MTUS2: variants seen among roughly 807,000 people sequenced by gnomAD.
MTUS2 encodes the protein microtubule-associated tumor suppressor candidate 2.
In MTUS2, 40 loss-of-function variants were observed where a neutral mutation model predicts 114.1. The observed-to-expected ratio is 0.35, with a 90% CI of 0.27 to 0.46. The LOEUF is 0.46. MTUS2 is among the 20% of genes least tolerant of loss of function. The pLI is 1.00. For missense variants in MTUS2, 1,679 were observed against 1,705.4 expected (o/e 0.98, Z 0.27); for synonymous variants, 688 against 672.0 (o/e 1.02, Z -0.37).
chr13:29,074,340 T>G (rs773470871), intron 4 of MTUS2, among the ~76,000 whole-genome samples: 5 of 152,176 alleles, frequency 3.3e-5, no homozygotes, highest in Non-Finnish European at 1.5e-5. Flanking sequence ...CGGGTGGTGC[T>G]AGGGATCCCC....
chr13:28,951,820 A>C (rs1882823909), intron 2 of MTUS2, among the ~76,000 whole-genome samples: 1 of 152,088 alleles, frequency 6.6e-6, no homozygotes, highest in Admixed American at 6.5e-5. Flanking sequence ...AAAAATTTAA[A>C]GTCTTGCATT....
intron 8 of MTUS2, among the ~76,000 whole-genome samples, chr13:29,428,143 A>G (rs1358088666): frequency 6.6e-6 from 1 of 152,248 alleles, no homozygotes. Flanking sequence ...AGATTTCATC[A>G]AAGAAGGCAA....
intron 5 of MTUS2, among the ~76,000 whole-genome samples, chr13:29,196,831 C>A (rs1360821604): frequency 2.0e-5 from 3 of 152,314 alleles, no homozygotes; most frequent in Admixed American, 1.3e-4. Flanking sequence ...GTATATACCA[C>A]AATTTGCTTA....
At chr13:29,251,061 A>C (rs1276956430) in intron 5 of MTUS2, among the ~76,000 whole-genome samples, 2 of 152,176 alleles carry the variant, frequency 1.3e-5, no homozygotes, top group African/African-American at 4.8e-5. Flanking sequence ...GAGAGTTCAA[A>C]GTGTAGAAAA....
At chr13:28,958,975 A>C (rs1393427396) in intron 2 of MTUS2, among the ~76,000 whole-genome samples, 5 of 152,196 alleles carry the variant, frequency 3.3e-5, no homozygotes, top group African/African-American at 1.2e-4. Context: ...TAGGCTTCTG[A>C]GAATATAAGT....
chr13:29,150,324 A>G (rs1187810531), intron 5 of MTUS2, among the ~76,000 whole-genome samples: 4 of 151,886 alleles, frequency 2.6e-5, no homozygotes, highest in Admixed American at 6.6e-5. Context: ...ATTTTTTCAT[A>G]TGTTTATTGG....
chr13:29,252,118 G>A (rs980073618), intron 5 of MTUS2, among the ~76,000 whole-genome samples: 1 of 151,826 alleles, frequency 6.6e-6, no homozygotes, highest in African/African-American at 2.4e-5. Context: ...CAGACGCCAG[G>A]GCCTCTTCTC....
In MTUS2 at chr13:29,140,228, A is replaced by G. The variant is rs539836789; in HGVS notation, c.2644+39258A>G. Among the ~76,000 whole-genome samples, 26 of 152,324 alleles carry G rather than the reference A, an allele frequency of 1.7e-4. 1 individual carries two copies. The South Asian group carries it at 5.4e-3, about 32-fold the overall frequency. ...ATCTTCATTTAGGAATAAATGAAGA[A>G]AAACGTTTAAATTTAGAGTCTTCAG... On this transcript the variant is annotated intron_variant, in intron 5 of 15. Transcript: ENST00000612955.
At chr13:29,357,531 ATCTT>A (rs1310441490) in intron 7 of MTUS2, among the ~76,000 whole-genome samples, 1 of 152,172 alleles carries the variant, frequency 6.6e-6, no homozygotes, top group Non-Finnish European at 1.5e-5. Context: ...AAAAATATCT[ATCTT>A]TGGTCTTAGG....
chr13:28,947,123 C>T (rs1882572984), intron 2 of MTUS2, among the ~76,000 whole-genome samples: 1 of 152,166 alleles, frequency 6.6e-6, no homozygotes. Context: ...CTTACTGTGG[C>T]TTACATAAGA....
intron 5 of MTUS2, among the ~76,000 whole-genome samples, chr13:29,134,946 G>A (rs989637417): frequency 2.0e-5 from 3 of 152,114 alleles, no homozygotes; most frequent in South Asian, 4.1e-4. Context: ...AATATATACA[G>A]TAGGCCCCTT....
intron 12 of MTUS2, among the ~76,000 whole-genome samples, chr13:29,495,195 A>C (rs1018539208): frequency 3.4e-5 from 5 of 148,166 alleles, no homozygotes; most frequent in South Asian, 2.1e-4. Flanking sequence ...AAAAAAAAAA[A>C]AAAAAAAAAA....
intron 5 of MTUS2, among the ~76,000 whole-genome samples, chr13:29,231,591 G>A (rs111814949): frequency 0.026 from 3,971 of 152,280 alleles, 87 homozygotes; most frequent in Admixed American, 0.043. Context: ...CAGGATACAC[G>A]ATTACAGCTA....
chr13:29,158,017 T>C (rs930359327), intron 5 of MTUS2, among the ~76,000 whole-genome samples: 6 of 152,156 alleles, frequency 3.9e-5, no homozygotes, highest in Non-Finnish European at 8.8e-5. Context: ...CTTTTAAAAA[T>C]GTAACATCGA....
At chr13:29,017,917 A>G (rs1216113171) in intron 2 of MTUS2, among the ~76,000 whole-genome samples, 1 of 152,248 alleles carries the variant, frequency 6.6e-6, no homozygotes, top group Admixed American at 6.5e-5. Flanking sequence ...TGAGTCACAT[A>G]TAACTGTAAT....
chr13:29,196,550 A>G (rs1002615093), intron 5 of MTUS2, among the ~76,000 whole-genome samples: 2 of 152,126 alleles, frequency 1.3e-5, no homozygotes, highest in Non-Finnish European at 2.9e-5. Context: ...AGCCATCACC[A>G]TCATCCATCT....
chr13:29,324,435 T>A (rs1037758883), intron 6 of MTUS2, among the ~76,000 whole-genome samples, 178 bp from the exon 7 acceptor site: 1 of 152,192 alleles, frequency 6.6e-6, no homozygotes, highest in Non-Finnish European at 1.5e-5. Context: ...CCCTTTCCTA[T>A]AAAGAAGTGT....
intron 5 of MTUS2, among the ~76,000 whole-genome samples, chr13:29,108,191 A>G (rs1890745041): frequency 6.6e-6 from 1 of 152,236 alleles, no homozygotes; most frequent in Admixed American, 6.5e-5. Flanking sequence ...ATCGGCAATG[A>G]GAGAGTCATT....
intron 5 of MTUS2, among the ~76,000 whole-genome samples, chr13:29,102,485 C>T (rs549349769): frequency 1.3e-5 from 2 of 152,284 alleles, no homozygotes; most frequent in Admixed American, 1.3e-4. Context: ...TTTCTTCTCA[C>T]CTCTGCTTCA....
Sources: gnomAD v4.1 joint callset for allele counts (sites outside exome capture counted in the v4.1 genomes callset) on GRCh38, gnomAD v4.1.1 for gene constraint, MANE v1.5 for transcripts, NCBI Gene and HGNC (gene_info 2026-07-23, HGNC 2026-07-21) for gene names.